The following OTOGL variants were observed in gnomAD, a reference collection of about 807,000 sequenced individuals.
OTOGL encodes otogelin like, also known as otogelin-like protein.
OTOGL carries 285 observed loss-of-function variants against 318.5 expected under a neutral mutation model. The ratio of observed to expected loss-of-function variants is 0.89; its 90% CI spans 0.81 to 0.99. The LOEUF (loss-of-function observed/expected upper bound fraction) is 0.99. Ranked by LOEUF, OTOGL falls within the 50% of genes least tolerant of loss-of-function variation. The pLI is 0.00. For missense variants in OTOGL, 2,899 were observed against 2,845.6 expected, an observed-to-expected ratio of 1.02 and a Z score of -0.43; for synonymous variants, 987 against 936.5, an observed-to-expected ratio of 1.05 and a Z score of -0.99.
chr12:80,338,991 A>T, intron 42 of OTOGL, 84 bp from the exon 43 acceptor site: 1 of 1,136,226 alleles, frequency 8.8e-7, no homozygotes, highest in Non-Finnish European at 1.2e-6. Flanking sequence ...TTTACATTAA[A>T]TCAGAATAAA....
chr12:80,358,909 A>T lies in OTOGL; in HGVS notation c.6267+9A>T. On this transcript the variant is annotated intron_variant, in intron 52 of 58. Coordinates refer to ENST00000547103, the MANE Select transcript of OTOGL (RefSeq NM_001378609.3). Reference sequence around the variant, plus strand: ...TGCCAACTTGTGAAGTGGTAAGAACACATATTTTGATTGACTTGTCATATT... The same window carrying T: ...TGCCAACTTGTGAAGTGGTAAGAACTCATATTTTGATTGACTTGTCATATT... 1 of 1,471,488 alleles carries T rather than the reference A, an allele frequency of 6.8e-7. No homozygotes were observed. Among genetic ancestry groups the T allele is most frequent in the Non-Finnish European group, 9.1e-7 (1 of 1,094,628 alleles). 91.2% of individuals were successfully genotyped at this position (1,471,488 alleles called of 1,614,324 possible).
intron 1 of OTOGL, among the ~76,000 whole-genome samples, chr12:80,168,801 G>A (rs926961747): frequency 5.3e-5 from 8 of 152,264 alleles, no homozygotes; most frequent in Non-Finnish European, 7.4e-5. Context: ...AATAGGAGTT[G>A]AGAAACTAGT....
intron 30 of OTOGL, among the ~76,000 whole-genome samples, chr12:80,311,068 C>G (rs1886605771): frequency 6.6e-6 from 1 of 152,286 alleles, no homozygotes; most frequent in Non-Finnish European, 1.5e-5. Context: ...GTATTCTTCT[C>G]AACTCAAAGT....
intron 1 of OTOGL, among the ~76,000 whole-genome samples, chr12:80,160,381 A>G (rs1368396281): frequency 6.6e-6 from 1 of 152,158 alleles, no homozygotes; most frequent in Non-Finnish European, 1.5e-5. Flanking sequence ...AAGGAACTCA[A>G]ACAAATTAGC....
At chr12:80,300,613 C>T (rs1474656057) in intron 27 of OTOGL, among the ~76,000 whole-genome samples, 2 of 152,126 alleles carry the variant, frequency 1.3e-5, no homozygotes, top group Non-Finnish European at 2.9e-5. Flanking sequence ...AAGGAACCGT[C>T]CTTGCTCAGA....
chr12:80,275,670 G>A (rs1358275460), intron 24 of OTOGL, among the ~76,000 whole-genome samples: 1 of 151,758 alleles, frequency 6.6e-6, no homozygotes, highest in Non-Finnish European at 1.5e-5. Flanking sequence ...GTGAAAGGGG[G>A]AGTCAATCAA....
chr12:80,190,037 G>A (rs1042761894), intron 1 of OTOGL, among the ~76,000 whole-genome samples: 1 of 152,178 alleles, frequency 6.6e-6, no homozygotes, highest in African/African-American at 2.4e-5. Context: ...CCCCATTTTT[G>A]TAGCCGGCTG....
At chr12:80,265,240 C>A in intron 20 of OTOGL, 30 bp downstream of exon 20, 1 of 1,577,084 alleles carries the variant, frequency 6.3e-7, no homozygotes, top group Non-Finnish European at 8.7e-7. Flanking sequence ...TAAAGACTAT[C>A]AGATAATACC....
chr12:80,128,219 G>A (rs1011443306), intron 1 of OTOGL, among the ~76,000 whole-genome samples: 5 of 152,120 alleles, frequency 3.3e-5, no homozygotes, highest in African/African-American at 1.2e-4. Context: ...TGGGGTTTTG[G>A]TGTGGATGTC....
chr12:80,270,288 G>A, intron 23 of OTOGL, 134 bp downstream of exon 23: 2 of 708,326 alleles, frequency 2.8e-6, no homozygotes, highest in Non-Finnish European at 4.8e-6. Flanking sequence ...TCAACATGGT[G>A]TTCCAGTGCT....
chr12:80,312,438 G>A (rs1886697048), intron 30 of OTOGL, among the ~76,000 whole-genome samples: 1 of 152,100 alleles, frequency 6.6e-6, no homozygotes, highest in Admixed American at 6.5e-5. Flanking sequence ...AGGGTTTATT[G>A]TTATTTTTAA....
chr12:80,160,973 A>G (rs1019789450), intron 1 of OTOGL, among the ~76,000 whole-genome samples: 2 of 152,162 alleles, frequency 1.3e-5, no homozygotes, highest in African/African-American at 2.4e-5. Flanking sequence ...AAGTGAAGTA[A>G]CTCAGGAATG....
chr12:80,138,554 A>G (rs1188540785), intron 1 of OTOGL, among the ~76,000 whole-genome samples: 1 of 152,130 alleles, frequency 6.6e-6, no homozygotes, highest in East Asian at 1.9e-4. Flanking sequence ...CCTATATTTC[A>G]AAGACTAGTT....
intron 1 of OTOGL, among the ~76,000 whole-genome samples, chr12:80,154,517 C>T (rs544057687): frequency 2.6e-5 from 4 of 152,116 alleles, no homozygotes; most frequent in Non-Finnish European, 5.9e-5. Flanking sequence ...AAAACCTCCC[C>T]TTTGCACTCC....
At chr12:80,198,440 T>C (rs553392264) in intron 1 of OTOGL, among the ~76,000 whole-genome samples, 2 of 152,078 alleles carry the variant, frequency 1.3e-5, no homozygotes, top group African/African-American at 4.8e-5. Context: ...AAAAATTAGC[T>C]GGGCATGGTG....
rs569965067 is a variant in OTOGL, at chr12:80,266,595, C to G, written c.2369C>G (p.Thr790Ser). Residue 790 changes from threonine (T) to serine (S), a missense_variant, in exon 21 of 59, where the codon ACT (threonine) becomes AGT (serine). This residue lies in a region of OTOGL where 2,607 missense variants were observed against 2,524.9 expected (regional missense o/e 1.03). Transcript: ENST00000547103. ...NCPEGKFYED[T>S]LNFCVPIFHC... is the part of the protein sequence containing the mutation. Reference sequence around the variant, plus strand: ...CCGGAAGGCAAATTCTATGAAGACACTCTTAACTTTTGTGTACCCATGTAA... The same window carrying G: ...CCGGAAGGCAAATTCTATGAAGACAGTCTTAACTTTTGTGTACCCATGTAA... 6.2e-7 allele frequency: 1 copy of G among 1,613,398 alleles called. No homozygotes were observed. Among genetic ancestry groups the G allele is most frequent in the Non-Finnish European group, 8.5e-7 (1 of 1,179,636 alleles).
Position 80,239,451 on chromosome 12 carries a change from G to C in OTOGL, c.1052+12G>C. 6.6e-7 allele frequency: 1 copy of C among 1,512,894 alleles called. No homozygotes were observed. The highest frequency in any genetic ancestry group is 9.0e-7 in the Non-Finnish European group (1 of 1,116,012). 93.7% of individuals were successfully genotyped at this position (1,512,894 alleles called of 1,614,324 possible). ...AATGATCTTTGCAAGTAAGTGAAATGACTTGTAGTTGTAATAAAATTTTCT... is the reference window on the plus strand; with the variant it reads ...AATGATCTTTGCAAGTAAGTGAAATCACTTGTAGTTGTAATAAAATTTTCT... On this transcript the variant is annotated intron_variant, in intron 11 of 58. Coordinates refer to ENST00000547103, the MANE Select transcript of OTOGL (RefSeq NM_001378609.3).
intron 1 of OTOGL, among the ~76,000 whole-genome samples, chr12:80,139,837 G>A (rs747228398): frequency 1.1e-4 from 17 of 152,170 alleles, no homozygotes; most frequent in South Asian, 2.1e-4. Context: ...TATCATATAC[G>A]TGTTGATAAC....
chr12:80,304,765 A>G (rs1885999081), intron 28 of OTOGL, among the ~76,000 whole-genome samples: 1 of 152,122 alleles, frequency 6.6e-6, no homozygotes, highest in Non-Finnish European at 1.5e-5. Flanking sequence ...TTTTACTACT[A>G]GATGAAGGGG....
Sources: allele counts gnomAD v4.1 joint callset (sites outside exome capture counted in the v4.1 genomes callset), GRCh38; gene constraint gnomAD v4.1.1; regional missense constraint gnomAD v4.1.1; transcripts MANE v1.5; gene names NCBI Gene and HGNC (gene_info 2026-07-23, HGNC 2026-07-21).